The following WWC1 variants were observed in gnomAD, a reference collection of about 807,000 sequenced individuals.
WWC1 encodes protein KIBRA.
In WWC1, 55 loss-of-function variants were observed where a neutral mutation model predicts 138.4. That is an observed-to-expected ratio of 0.40 (90% CI 0.32 to 0.50). The LOEUF (loss-of-function observed/expected upper bound fraction) is 0.50, where lower values mean the gene tolerates loss of function less well. Ranked by LOEUF, WWC1 falls within the 20% of genes least tolerant of loss-of-function variation. WWC1 has a pLI of 0.72. For missense variants in WWC1, 1,226 were observed against 1,420.4 expected (o/e 0.86, Z 2.20); for synonymous variants, 524 against 564.9 (o/e 0.93, Z 1.03).
intron 2 of WWC1, among the ~76,000 whole-genome samples, chr5:168,374,926 G>T (rs991920189): frequency 2.6e-5 from 4 of 152,152 alleles, no homozygotes; most frequent in African/African-American, 9.7e-5. Context: ...GAAAGAAAAA[G>T]GAAAGAATAA....
chr5:168,307,227 G>A (rs1050800439), intron 1 of WWC1, among the ~76,000 whole-genome samples: 8 of 152,192 alleles, frequency 5.3e-5, no homozygotes, highest in Admixed American at 3.9e-4. Flanking sequence ...CCAAGGTTGC[G>A]TAGCTAATAA....
chr5:168,340,074 T>TC (rs779793375), intron 1 of WWC1, among the ~76,000 whole-genome samples: 1 of 150,742 alleles, frequency 6.6e-6, no homozygotes, highest in African/African-American at 2.5e-5. Context: ...TTTCTTCTCT[T>TC]TCTCTCTCTC....
At position 168,403,070 on chromosome 5, in the gene WWC1, C is replaced by CTT. The variant is rs148600569; in HGVS notation, c.591-3126_591-3125dup. ...TCTTTCTTTCTTTCTTTCTTTCTTTCTTTCTTTCTTTTCTTTCTTTTCTTT... is the reference window on the plus strand; with the variant it reads ...TCTTTCTTTCTTTCTTTCTTTCTTTCTTTTTCTTTCTTTTCTTTCTTTTCTTT... On this transcript the variant is annotated intron_variant, in intron 5 of 22. Transcript: ENST00000265293. Among the ~76,000 whole-genome samples the CTT allele has an allele frequency of 2.3e-4, 20 of 86,830 alleles. 1 individual carries two copies. Among genetic ancestry groups the CTT allele is most frequent in the Non-Finnish European group, 4.3e-4 (18 of 41,470 alleles). 57.0% of individuals were successfully genotyped at this position (86,830 alleles called of 152,430 possible).
chr5:168,340,427 T>G (rs75227020), intron 1 of WWC1, among the ~76,000 whole-genome samples: 2,808 of 152,284 alleles, frequency 0.018, 40 homozygotes, highest in South Asian at 0.055. Flanking sequence ...CACAATCACT[T>G]TTATAATATT....
chr5:168,407,513 A>G (rs545391446), intron 6 of WWC1, among the ~76,000 whole-genome samples: 202 of 152,316 alleles, frequency 1.3e-3, no homozygotes, highest in African/African-American at 4.3e-3. Context: ...TGTATGCTCT[A>G]TGAGAAACAG....
At chr5:168,429,665 G>T in intron 13 of WWC1, among the ~76,000 whole-genome samples, 1 of 152,100 alleles carries the variant, frequency 6.6e-6, no homozygotes, top group South Asian at 2.1e-4. Context: ...TGGGTGTGGT[G>T]GCTCACACCT....
At chr5:168,367,018 G>C (rs1380685052) in intron 1 of WWC1, among the ~76,000 whole-genome samples, 1 of 151,690 alleles carries the variant, frequency 6.6e-6, no homozygotes, top group African/African-American at 2.4e-5. Context: ...GGCTGGTCTT[G>C]AACTCCTGAC....
intron 1 of WWC1, among the ~76,000 whole-genome samples, chr5:168,301,786 A>G (rs1770108314): frequency 6.6e-6 from 1 of 152,108 alleles, no homozygotes; most frequent in Non-Finnish European, 1.5e-5. Context: ...ATGCCTTCAT[A>G]TGGGAGCCCT....
chr5:168,389,059 A>G (rs973254440), intron 3 of WWC1, among the ~76,000 whole-genome samples: 1 of 152,196 alleles, frequency 6.6e-6, no homozygotes, highest in African/African-American at 2.4e-5. Flanking sequence ...ATTGAGATTC[A>G]TTACATTATT....
intron 1 of WWC1, among the ~76,000 whole-genome samples, chr5:168,344,831 C>T (rs77920155): frequency 0.01 from 1,548 of 152,154 alleles, 30 homozygotes; most frequent in African/African-American, 0.035. Flanking sequence ...TTGATCAGGC[C>T]TTCATTTTGA....
At chr5:168,336,594 AAC>A (rs1554093139) in intron 1 of WWC1, among the ~76,000 whole-genome samples, 2 of 147,450 alleles carry the variant, frequency 1.4e-5, no homozygotes, top group African/African-American at 5.0e-5. Context: ...AAAAAAAAAA[AAC>A]AATACCTTGT....
intron 14 of WWC1, 72 bp downstream of exon 14, chr5:168,430,295 G>T: frequency 7.7e-7 from 1 of 1,294,536 alleles, no homozygotes; most frequent in Non-Finnish European, 1.1e-6. Flanking sequence ...TCACTTTTCT[G>T]CCCTGTCCTG....
chr5:168,438,461 A>G (rs957216585), intron 15 of WWC1, among the ~76,000 whole-genome samples: 2 of 152,160 alleles, frequency 1.3e-5, no homozygotes, highest in African/African-American at 2.4e-5. Context: ...TGCCATGATT[A>G]TAAGTTTCCT....
chr5:168,468,521 G>A (rs776479252), intron 22 of WWC1, among the ~76,000 whole-genome samples: 3 of 152,218 alleles, frequency 2.0e-5, no homozygotes, highest in Middle Eastern at 3.4e-3. Context: ...TTCCTTTGTG[G>A]AATATAAACA....
At chr5:168,317,693 C>T (rs2152755119) in intron 1 of WWC1, among the ~76,000 whole-genome samples, 1 of 152,236 alleles carries the variant, frequency 6.6e-6, no homozygotes, top group African/African-American at 2.4e-5. Flanking sequence ...TCAGTATTCC[C>T]AGGATCCTAG....
At chr5:168,318,760 A>G (rs1771818601) in intron 1 of WWC1, among the ~76,000 whole-genome samples, 1 of 151,918 alleles carries the variant, frequency 6.6e-6, no homozygotes, top group South Asian at 2.1e-4. Context: ...GGATTTCACC[A>G]TGTTGGCCAG....
At chr5:168,351,338 C>T (rs947022538) in intron 1 of WWC1, among the ~76,000 whole-genome samples, 4 of 152,096 alleles carry the variant, frequency 2.6e-5, no homozygotes, top group African/African-American at 9.7e-5. Flanking sequence ...AGCATTTTCC[C>T]TGAGAGATCC....
intron 1 of WWC1, among the ~76,000 whole-genome samples, chr5:168,355,924 A>AAGAGAG (rs10665946): frequency 6.6e-6 from 1 of 150,526 alleles, no homozygotes; most frequent in African/African-American, 2.4e-5. Context: ...AAGAGAGAGA[A>AAGAGAG]AGAGAGACGG....
intron 17 of WWC1, among the ~76,000 whole-genome samples, chr5:168,452,765 TC>T (rs1755945533): frequency 1.0e-4 from 1 of 9,728 alleles, no homozygotes; most frequent in African/African-American, 4.1e-4. Flanking sequence ...CTCTCCCTCT[TC>T]CTCCTCCTCC....
Sources: gnomAD v4.1 joint callset for allele counts (sites outside exome capture counted in the v4.1 genomes callset) on GRCh38, gnomAD v4.1.1 for gene constraint, MANE v1.5 for transcripts, NCBI Gene and HGNC (gene_info 2026-07-23, HGNC 2026-07-21) for gene names.